The following MAPK10 variants were observed in gnomAD, a reference collection of about 807,000 sequenced individuals.
The protein encoded by MAPK10 is JNK3 alpha protein kinase.
Under a neutral mutation model 59.3 loss-of-function variants are expected in MAPK10, and 25 were observed. The observed-to-expected ratio is 0.42, with a 90% CI of 0.31 to 0.59. The LOEUF (loss-of-function observed/expected upper bound fraction) is 0.59, where lower values mean the gene tolerates loss of function less well. MAPK10 is among the 20% of genes least tolerant of loss of function. The pLI is 0.15. For synonymous variants in MAPK10, 190 were observed against 200.5 expected (o/e 0.95, Z 0.44); for missense variants, 351 against 568.9 (o/e 0.62, Z 3.90).
chr4:86,517,400 C>T (rs1032766360), intron 1 of MAPK10, among the ~76,000 whole-genome samples: 3 of 151,104 alleles, frequency 2.0e-5, no homozygotes. Flanking sequence ...CTCAGCTTCG[C>T]GAGTAGCTGA....
chr4:86,202,292 T>A (rs2082807319), intron 2 of MAPK10, among the ~76,000 whole-genome samples: 1 of 151,940 alleles, frequency 6.6e-6, no homozygotes, highest in Non-Finnish European at 1.5e-5. Context: ...CACTCTTTGA[T>A]CTTTCCCTCA....
In MAPK10 at chr4:86,014,032, A is replaced by G. The variant is rs1468653722; in HGVS notation, c.*3196T>C. On this transcript the variant is annotated 3_prime_UTR_variant, in exon 14 of 14. Transcript: ENST00000641462. ...TTTGCCAAACTCTTGCAGCAGTTTA[A>G]TTTTCCCTGCACATGAGTACACAGC... 6.6e-6 allele frequency: 1 copy of G among 152,196 alleles called. No individual in the cohort carries two copies. The highest frequency in any genetic ancestry group is 1.5e-5 in the Non-Finnish European group (1 of 68,032). 9.4% of individuals were successfully genotyped at this position (152,196 alleles called of 1,614,324 possible).
chr4:86,586,357 G>T (rs781693750), intron 1 of MAPK10, among the ~76,000 whole-genome samples: 22 of 152,144 alleles, frequency 1.4e-4, no homozygotes, highest in Non-Finnish European at 3.1e-4. Context: ...CATCAGCCCC[G>T]AGGGCCACCC....
At chr4:86,304,007 A>G (rs777580948) in intron 2 of MAPK10, among the ~76,000 whole-genome samples, 1 of 152,226 alleles carries the variant, frequency 6.6e-6, no homozygotes, top group African/African-American at 2.4e-5. Context: ...TGGTCTCTTT[A>G]GTCCATTTCC....
intron 2 of MAPK10, among the ~76,000 whole-genome samples, chr4:86,231,879 C>CCAA (rs1195697592): frequency 1.3e-5 from 2 of 152,102 alleles, no homozygotes; most frequent in Non-Finnish European, 2.9e-5. Flanking sequence ...GAGCATTAAG[C>CCAA]CAAATGCCCA....
intron 1 of MAPK10, among the ~76,000 whole-genome samples, chr4:86,478,343 G>T (rs1753292625): frequency 6.6e-6 from 1 of 152,152 alleles, no homozygotes; most frequent in Non-Finnish European, 1.5e-5. Flanking sequence ...GGGTTGTGCA[G>T]TCGGAATTCT....
At chr4:86,083,336 G>A (rs941647008) in intron 9 of MAPK10, among the ~76,000 whole-genome samples, 5 of 152,052 alleles carry the variant, frequency 3.3e-5, no homozygotes, top group Non-Finnish European at 5.9e-5. Context: ...AATTGCCAGC[G>A]CCACCCCTTC....
At position 86,031,446 on chromosome 4, in the gene MAPK10, CA is replaced by C; in HGVS notation, c.1111-16del. The C allele has an allele frequency of 6.3e-7, 1 of 1,585,130 alleles. No individual in the cohort carries two copies. The highest frequency in any genetic ancestry group is 8.7e-7 in the Non-Finnish European group (1 of 1,154,906). On this transcript the variant is annotated splice_polypyrimidine_tract_variant and intron_variant, in intron 11 of 13. Coordinates refer to ENST00000641462, the MANE Select transcript of MAPK10 (RefSeq NM_138982.4). ...TGAGGTGGAGGCTGCCGAATAAAAA[CA>C]AAAAATAATCTTTGTGTGATAATGT...
intron 4 of MAPK10, among the ~76,000 whole-genome samples, chr4:86,139,315 T>G (rs1017492758): frequency 0.02 from 2,906 of 144,908 alleles, 132 homozygotes; most frequent in African/African-American, 0.078. Context: ...AAACAGCATG[T>G]TACTGGTACC....
In MAPK10 at chr4:86,220,757, G is replaced by A. The variant is rs183609907; in HGVS notation, c.-6-26350C>T. Among the ~76,000 whole-genome samples, 25 of 152,178 alleles carry A rather than the reference G, an allele frequency of 1.6e-4. No individual in the cohort carries two copies. In the East Asian group the frequency reaches 1.7e-3, roughly 11 times the overall value. Reference sequence around the variant, plus strand: ...GTACAGCCTAATATATTTGTATGGCGTTTCTAACTAGCATTTTAGCATTTG... The same window carrying A: ...GTACAGCCTAATATATTTGTATGGCATTTCTAACTAGCATTTTAGCATTTG... On this transcript the variant is annotated intron_variant, in intron 2 of 13. Transcript: ENST00000641462.
chr4:86,482,860 TTGAG>T (rs1160927429), intron 1 of MAPK10, among the ~76,000 whole-genome samples: 2 of 152,160 alleles, frequency 1.3e-5, no homozygotes, highest in African/African-American at 4.8e-5. Context: ...TAACAGAGAT[TTGAG>T]TATATTCCAT....
At chr4:86,141,186 A>G (rs143016333) in intron 4 of MAPK10, among the ~76,000 whole-genome samples, 56 of 152,338 alleles carry the variant, frequency 3.7e-4, no homozygotes, top group African/African-American at 1.3e-3. Context: ...ATACAAGTCA[A>G]GCTCAGAATG....
chr4:86,123,120 C>T (rs2059526977), intron 4 of MAPK10, among the ~76,000 whole-genome samples: 1 of 152,158 alleles, frequency 6.6e-6, no homozygotes, highest in South Asian at 2.1e-4. Context: ...CTTTTTAAAG[C>T]CCCCTCGTAT....
chr4:86,428,441 G>T (rs1747592650), intron 1 of MAPK10, among the ~76,000 whole-genome samples: 1 of 152,140 alleles, frequency 6.6e-6, no homozygotes, highest in Non-Finnish European at 1.5e-5. Flanking sequence ...TTACATGCAT[G>T]AGCCATCATA....
intron 10 of MAPK10, 86 bp downstream of exon 10, chr4:86,067,687 G>A (rs961114971): frequency 1.8e-6 from 2 of 1,115,866 alleles, no homozygotes; most frequent in Non-Finnish European, 2.5e-6. Context: ...AGGGAACAAA[G>A]AGAAAGAGAT....
At chr4:86,534,615 C>A (rs1266009626) in intron 1 of MAPK10, among the ~76,000 whole-genome samples, 1 of 151,936 alleles carries the variant, frequency 6.6e-6, no homozygotes, top group Non-Finnish European at 1.5e-5. Context: ...TAAAATTATT[C>A]AAAAATCAGG....
At chr4:86,480,168 T>C (rs55969415) in intron 1 of MAPK10, among the ~76,000 whole-genome samples, 34,120 of 152,082 alleles carry the variant, frequency 0.22, 4,772 homozygotes, top group Admixed American at 0.31. Flanking sequence ...AAGTGATATT[T>C]AAATGGCCTG....
chr4:86,336,202 A>G (rs980460842), intron 2 of MAPK10: 1 of 152,152 alleles, frequency 6.6e-6, no homozygotes, highest in African/African-American at 2.4e-5. Flanking sequence ...TGCTAAGGGC[A>G]GAATCAATTT....
At chr4:86,189,134 T>G (rs2079033859) in intron 3 of MAPK10, among the ~76,000 whole-genome samples, 1 of 152,200 alleles carries the variant, frequency 6.6e-6, no homozygotes, top group Admixed American at 6.5e-5. Context: ...CCATGCTGTT[T>G]TGGTTACTGT....
Sources: gnomAD v4.1 joint callset for allele counts (sites outside exome capture counted in the v4.1 genomes callset) on GRCh38, gnomAD v4.1.1 for gene constraint, MANE v1.5 for transcripts, NCBI Gene and HGNC (gene_info 2026-07-23, HGNC 2026-07-21) for gene names.